BCLAF1: variants seen among roughly 807,000 people sequenced by gnomAD.
BCLAF1 encodes the protein BCL2 associated transcription factor 1, also known as bcl-2-associated transcription factor 1.
BCLAF1 carries 10 observed loss-of-function variants against 99.5 expected under a neutral mutation model. The ratio of observed to expected loss-of-function variants is 0.10; its 90% CI spans 0.06 to 0.17. BCLAF1 has a LOEUF of 0.17. Among genes scored for constraint, BCLAF1 ranks in the 10% least tolerant of loss-of-function variants. The pLI, the probability that BCLAF1 is intolerant of heterozygous loss-of-function variation, is 1.00. For missense variants in BCLAF1, 636 were observed against 1,105.8 expected (o/e 0.58, Z 6.02); for synonymous variants, 255 against 370.9 (o/e 0.69, Z 3.59).
In BCLAF1 at chr6:136,279,827, T is replaced by C; in HGVS notation, c.40A>G (p.Lys14Glu). ...SNSRSHSSRS[K>E]SRSQSSSRSR... Reference sequence around the variant, plus strand: ...CGAGAACTAGACTGTGATCTAGACTTTGACCTTGAAGAATGTGATCTAGAA... The same window carrying C: ...CGAGAACTAGACTGTGATCTAGACTCTGACCTTGAAGAATGTGATCTAGAA... The change falls in exon 3 of 13, where the codon AAG becomes GAG. Residue 14 changes from lysine (K) to glutamate (E), a missense_variant. Physicochemically the swap from Lys to Glu is moderately conservative, Grantham distance 56. Coordinates refer to ENST00000531224, the MANE Select transcript of BCLAF1 (RefSeq NM_014739.3). 1.3e-6 allele frequency: 2 copies of C among 1,574,116 alleles called. No individual in the cohort carries two copies. Among genetic ancestry groups the C allele is most frequent in the East Asian group, 2.3e-5 (1 of 43,912 alleles).
chr6:136,267,971 C>G (rs980859939), intron 10 of BCLAF1, among the ~76,000 whole-genome samples, 191 bp downstream of exon 10: 2 of 151,900 alleles, frequency 1.3e-5, no homozygotes, highest in Non-Finnish European at 2.9e-5. Context: ...TATACAGATG[C>G]TTCTAGACCT....
At chr6:136,265,623 T>C (rs1584016764) in intron 11 of BCLAF1, among the ~76,000 whole-genome samples, 1 of 152,170 alleles carries the variant, frequency 6.6e-6, no homozygotes, top group Admixed American at 6.5e-5. Context: ...GCCATCTGAG[T>C]ACTAGAGTTA....
Position 136,278,961 on chromosome 6 carries a change from A to G in BCLAF1, c.105-185T>C, listed in dbSNP as rs1346798692. Among the ~76,000 whole-genome samples the G allele has an allele frequency of 2.0e-5, 3 of 151,030 alleles. No individual in the cohort carries two copies. The East Asian group carries it at 5.8e-4, about 29-fold the overall frequency. On this transcript the variant is annotated intron_variant, in intron 3 of 12. Transcript: ENST00000531224. ...GCCTCACTAAGGTAAATACTGAGAG[A>G]ATACCTTAAAGACCTTACAAATGAA...
At chr6:136,280,019 A>G in intron 2 of BCLAF1, 143 bp from the exon 3 acceptor site, 8 of 1,044,490 alleles carry the variant, frequency 7.7e-6, no homozygotes, top group Non-Finnish European at 9.9e-6. Context: ...ATCAGTATTC[A>G]GAAGACAAGT....
intron 9 of BCLAF1, chr6:136,268,670 T>G (rs1287718721): frequency 4.5e-5 from 10 of 223,594 alleles, no homozygotes; most frequent in Non-Finnish European, 8.1e-5. Flanking sequence ...TAGGAAAAAG[T>G]AAGGATGTTC....
intron 11 of BCLAF1, among the ~76,000 whole-genome samples, chr6:136,262,028 G>A (rs896377882): frequency 6.6e-6 from 1 of 152,060 alleles, no homozygotes; most frequent in Non-Finnish European, 1.5e-5. Context: ...CTGGGCTAGA[G>A]AATTTCAATG....
At chr6:136,261,621 T>TTA in intron 11 of BCLAF1, 144 bp from the exon 12 acceptor site, 1 of 827,678 alleles carries the variant, frequency 1.2e-6, no homozygotes, top group Non-Finnish European at 1.8e-6. Context: ...ACAAAACCAG[T>TTA]AAAACTGAAT....
At chr6:136,268,929 G>A (rs548140089) in intron 9 of BCLAF1, among the ~76,000 whole-genome samples, 7 of 151,816 alleles carry the variant, frequency 4.6e-5, no homozygotes, top group Non-Finnish European at 8.8e-5. Context: ...TGCAACACCC[G>A]AAAAGGTCAT....
At chr6:136,271,784 G>T in intron 8 of BCLAF1, 1 of 353,650 alleles carries the variant, frequency 2.8e-6, no homozygotes, top group Non-Finnish European at 5.2e-6. Context: ...TTAGTGTTTT[G>T]AAAAAACACT....
intron 1 of BCLAF1, among the ~76,000 whole-genome samples, chr6:136,287,948 A>C (rs1415488487): frequency 1.3e-5 from 2 of 152,162 alleles, no homozygotes; most frequent in Non-Finnish European, 2.9e-5. Flanking sequence ...TTGGACCCGG[A>C]GACGGAGGCT....
chr6:136,269,543 T>A lies in BCLAF1; in HGVS notation c.2113A>T (p.Ser705Cys), dbSNP rs1782209249. 6.2e-7 allele frequency: 1 copy of A among 1,612,374 alleles called. No homozygotes were observed. The change falls in exon 9 of 13, where the codon AGT becomes TGT. Residue 705 changes from serine (S) to cysteine (C), a missense_variant. Transcript: ENST00000531224. The part of the protein sequence containing the change: ...HDIDRRRKER[S>C]KERGDSKGSR... ...CCCTTGGAATCTCCCCGTTCTTTAC[T>A]TCTTTCTTTTCTACGGCGATCAATG...
In BCLAF1 at chr6:136,258,137, T is replaced by C. The variant is rs1460122592; in HGVS notation, c.*2973A>G. The C allele has an allele frequency of 1.3e-5, 2 of 152,084 alleles. No individual in the cohort carries two copies. The highest frequency in any genetic ancestry group is 2.4e-5 in the African/African-American group (1 of 41,452). 9.4% of individuals were successfully genotyped at this position (152,084 alleles called of 1,614,324 possible). ...AAATGCTTTGTTAAAACTGACAGGA[T>C]GGCACATGGTAAGAATTATACCACA... On this transcript the variant is annotated 3_prime_UTR_variant, in exon 13 of 13. Coordinates refer to ENST00000531224, the MANE Select transcript of BCLAF1 (RefSeq NM_014739.3).
rs773025129 is a variant in BCLAF1, at chr6:136,267,151, C to T, written c.2422G>A (p.Ala808Thr). ...TFFRIRGRGR[A>T]RGVFAGTNTG... Reference sequence around the variant, plus strand: ...TTTGTCCCAGCAAAAACTCCTCTGGCTCTTCCTCTGCCTCTAATTCGAAAC... The same window carrying T: ...TTTGTCCCAGCAAAAACTCCTCTGGTTCTTCCTCTGCCTCTAATTCGAAAC... Residue 808 changes from alanine to threonine, a missense_variant, in exon 11 of 13, where the codon GCC becomes ACC. Transcript: ENST00000531224. 1.5e-5 allele frequency: 25 copies of T among 1,612,952 alleles called. 1 individual carries two copies. The highest frequency in any genetic ancestry group is 3.3e-5 in the Admixed American group (2 of 59,970).
intron 10 of BCLAF1, among the ~76,000 whole-genome samples, chr6:136,267,681 G>T (rs949516308): frequency 6.6e-6 from 1 of 151,694 alleles, no homozygotes; most frequent in Non-Finnish European, 1.5e-5. Flanking sequence ...TAATTATAAC[G>T]ACTTACAGAA....
At chr6:136,272,120 C>G (rs755688760) in intron 7 of BCLAF1, 41 bp from the exon 8 acceptor site, 20 of 1,414,402 alleles carry the variant, frequency 1.4e-5, no homozygotes, top group Admixed American at 6.3e-5. Flanking sequence ...ATATTATTAA[C>G]TTTTTGGTTC....
chr6:136,284,848 C>G (rs1352874507), intron 1 of BCLAF1, among the ~76,000 whole-genome samples: 1 of 151,764 alleles, frequency 6.6e-6, no homozygotes, highest in African/African-American at 2.4e-5. Flanking sequence ...GGGAAAAGTA[C>G]AAGTTAACAT....
intron 1 of BCLAF1, among the ~76,000 whole-genome samples, chr6:136,283,178 CAAAAAAAAAA>C (rs1173234336): frequency 4.2e-4 from 22 of 52,038 alleles, no homozygotes; most frequent in South Asian, 1.9e-3. Flanking sequence ...GACCCCATCT[CAAAAAAAAAA>C]AAAAAAAAAA....
intron 9 of BCLAF1, 101 bp downstream of exon 9, chr6:136,269,336 T>A (rs931460941): frequency 1.3e-6 from 2 of 1,567,466 alleles, no homozygotes; most frequent in Admixed American, 3.8e-5. Flanking sequence ...TGTTTAAATT[T>A]AAACATTCGA....
intron 1 of BCLAF1, among the ~76,000 whole-genome samples, chr6:136,288,938 G>T (rs577053637): frequency 6.6e-6 from 1 of 152,272 alleles, no homozygotes; most frequent in South Asian, 2.1e-4. Context: ...GCAGGGCCAC[G>T]CTCAGAACCA....
Sources: gnomAD v4.1 joint callset for allele counts (sites outside exome capture counted in the v4.1 genomes callset) on GRCh38, gnomAD v4.1.1 for gene constraint, MANE v1.5 for transcripts, NCBI Gene and HGNC (gene_info 2026-07-23, HGNC 2026-07-21) for gene names.